The following DPP10 variants were observed in gnomAD, a reference collection of about 807,000 sequenced individuals.
DPP10 encodes the protein inactive dipeptidyl peptidase 10.
DPP10 carries 33 observed loss-of-function variants against 120.9 expected under a neutral mutation model. That is an observed-to-expected ratio of 0.27 (90% CI 0.21 to 0.37). DPP10 has a LOEUF of 0.37. Ranked by LOEUF, DPP10 falls within the 10% of genes least tolerant of loss-of-function variation. DPP10 has a pLI of 1.00. For missense variants in DPP10, 816 were observed against 942.8 expected, an observed-to-expected ratio of 0.87 and a Z score of 1.76; for synonymous variants, 337 against 326.1, an observed-to-expected ratio of 1.03 and a Z score of -0.36.
At chr2:115,274,030 A>G (rs1369183280) in intron 1 of DPP10, among the ~76,000 whole-genome samples, 1 of 152,016 alleles carries the variant, frequency 6.6e-6, no homozygotes, top group Non-Finnish European at 1.5e-5. Flanking sequence ...ATGTCCATTG[A>G]TTGGAATGAG....
chr2:115,745,418 CAAATT>C (rs1677829543), intron 9 of DPP10, among the ~76,000 whole-genome samples: 1 of 150,510 alleles, frequency 6.6e-6, no homozygotes, highest in Non-Finnish European at 1.5e-5. Context: ...TCACTGAACT[CAAATT>C]AAATTATCCT....
intron 1 of DPP10, among the ~76,000 whole-genome samples, chr2:114,524,108 C>T (rs1364314343): frequency 6.6e-6 from 1 of 152,106 alleles, no homozygotes; most frequent in Admixed American, 6.5e-5. Flanking sequence ...GTGGGAATAA[C>T]ATTCTACAAA....
intron 1 of DPP10, chr2:115,144,795 C>A (rs1188533686): frequency 6.6e-6 from 1 of 151,394 alleles, no homozygotes; most frequent in Admixed American, 6.6e-5. Flanking sequence ...TGCACATGTA[C>A]CCTAAAACTT....
intron 19 of DPP10, among the ~76,000 whole-genome samples, chr2:115,807,208 C>G (rs774486613): frequency 1.3e-5 from 2 of 152,182 alleles, no homozygotes; most frequent in Non-Finnish European, 2.9e-5. Flanking sequence ...TGTACTAAGA[C>G]TTTGACAGCA....
chr2:115,412,911 G>A (rs2069071640), intron 3 of DPP10, among the ~76,000 whole-genome samples: 1 of 152,040 alleles, frequency 6.6e-6, no homozygotes, highest in Non-Finnish European at 1.5e-5. Context: ...ATCTACCAGG[G>A]CACAATTGAG....
At chr2:114,540,156 G>T (rs570315647) in intron 1 of DPP10, among the ~76,000 whole-genome samples, 2 of 152,300 alleles carry the variant, frequency 1.3e-5, no homozygotes, top group Admixed American at 1.3e-4. Context: ...TTCCAAATAA[G>T]GTATCAAATG....
chr2:114,659,062 T>C lies in DPP10; in HGVS notation c.60+216224T>C, dbSNP rs535546291. On this transcript the variant is annotated intron_variant, in intron 1 of 25. Transcript: ENST00000410059. Reference sequence around the variant, plus strand: ...CTTCTCTCTCACGCTTCTGCTGCCATGTAAGACATGCCTTCTTCCCCTTCT... The same window carrying C: ...CTTCTCTCTCACGCTTCTGCTGCCACGTAAGACATGCCTTCTTCCCCTTCT... Among the ~76,000 whole-genome samples the C allele has an allele frequency of 1.9e-3, 288 of 152,288 alleles. 1 individual carries two copies. The highest frequency in any genetic ancestry group is 6.6e-3 in the African/African-American group (276 of 41,568).
At chr2:115,295,321 T>C (rs1559379767) in intron 1 of DPP10, among the ~76,000 whole-genome samples, 1 of 152,110 alleles carries the variant, frequency 6.6e-6, no homozygotes, top group Non-Finnish European at 1.5e-5. Flanking sequence ...TGCACAGATA[T>C]AGTATAACTT....
At chr2:114,906,142 G>A (rs2106634968) in intron 1 of DPP10, among the ~76,000 whole-genome samples, 1 of 152,084 alleles carries the variant, frequency 6.6e-6, no homozygotes, top group East Asian at 1.9e-4. Context: ...ACTTTGGGAG[G>A]CCAAAGTGAG....
rs543566672 is a variant in DPP10 at position 115,186,332 on chromosome 2, A to G, written c.61-122907A>G. Among the ~76,000 whole-genome samples the G allele has an allele frequency of 1.1e-4, 17 of 152,318 alleles. No individual in the cohort carries two copies. In the South Asian group the frequency reaches 3.3e-3, roughly 30 times the overall value. On this transcript the variant is annotated intron_variant, in intron 1 of 25. Coordinates refer to ENST00000410059, the MANE Select transcript of DPP10 (RefSeq NM_020868.6). ...AACATTTATAGACTGAACATTATACACCAGGAATTGTGCTAATTGCTAGAT... is the reference window on the plus strand; with the variant it reads ...AACATTTATAGACTGAACATTATACGCCAGGAATTGTGCTAATTGCTAGAT...
At chr2:115,225,573 G>T (rs1189370880) in intron 1 of DPP10, among the ~76,000 whole-genome samples, 2 of 151,846 alleles carry the variant, frequency 1.3e-5, no homozygotes, top group Non-Finnish European at 2.9e-5. Flanking sequence ...CTGAGCTGGG[G>T]ATAGATTTGC....
chr2:115,505,417 G>T (rs536487677), intron 4 of DPP10, among the ~76,000 whole-genome samples: 3 of 152,086 alleles, frequency 2.0e-5, no homozygotes, highest in Non-Finnish European at 4.4e-5. Flanking sequence ...TACAATTCCA[G>T]TGTTGATTTT....
At chr2:115,505,571 C>T (rs1465924431) in intron 4 of DPP10, among the ~76,000 whole-genome samples, 2 of 152,100 alleles carry the variant, frequency 1.3e-5, no homozygotes, top group Non-Finnish European at 2.9e-5. Context: ...GACGTGTATC[C>T]AGAATCAGTC....
intron 3 of DPP10, among the ~76,000 whole-genome samples, chr2:115,348,078 C>G (rs916141971): frequency 2.0e-5 from 3 of 152,038 alleles, no homozygotes; most frequent in African/African-American, 7.2e-5. Context: ...GACAGGAAGG[C>G]AGAAGGAGGT....
At chr2:114,956,632 G>A (rs2104683380) in intron 1 of DPP10, among the ~76,000 whole-genome samples, 1 of 152,094 alleles carries the variant, frequency 6.6e-6, no homozygotes, top group South Asian at 2.1e-4. Context: ...GACCCCAAAT[G>A]GTAAAAGCAA....
chr2:115,776,026 A>G (rs1682055206), intron 13 of DPP10, among the ~76,000 whole-genome samples: 2 of 152,302 alleles, frequency 1.3e-5, no homozygotes, highest in Admixed American at 1.3e-4. Flanking sequence ...CAAAAGCTTT[A>G]TTCATATAGC....
At chr2:115,269,327 T>A (rs1398497313) in intron 1 of DPP10, among the ~76,000 whole-genome samples, 4 of 152,230 alleles carry the variant, frequency 2.6e-5, no homozygotes, top group African/African-American at 9.6e-5. Flanking sequence ...ACAGGGTAGC[T>A]GTATTTGTTA....
intron 1 of DPP10, among the ~76,000 whole-genome samples, chr2:115,000,452 AAACAAATCTAGTTAATTC>A (rs1435550358): frequency 1.3e-5 from 2 of 152,194 alleles, no homozygotes; most frequent in African/African-American, 4.8e-5. Context: ...TGGAAATGAA[AAACAAATCTAGTTAATTC>A]ATTCAGAAGA....
intron 1 of DPP10, among the ~76,000 whole-genome samples, chr2:114,565,931 T>C (rs879378420): frequency 5.9e-5 from 9 of 152,220 alleles, no homozygotes; most frequent in African/African-American, 9.6e-5. Flanking sequence ...TACCTCCCTC[T>C]GTGTTCCAGA....
Sources: gnomAD v4.1 joint callset for allele counts (sites outside exome capture counted in the v4.1 genomes callset) on GRCh38, gnomAD v4.1.1 for gene constraint, MANE v1.5 for transcripts, NCBI Gene and HGNC (gene_info 2026-07-23, HGNC 2026-07-21) for gene names.